Variants in GRHL1 observed in about 807,000 individuals in gnomAD.
GRHL1 encodes the protein grainyhead like transcription factor 1.
Under a neutral mutation model 75.7 loss-of-function variants are expected in GRHL1, and 38 were observed. The ratio of observed to expected loss-of-function variants is 0.50; its 90% CI spans 0.39 to 0.66. The LOEUF (loss-of-function observed/expected upper bound fraction) is 0.66, where lower values mean the gene tolerates loss of function less well. Ranked by LOEUF, GRHL1 falls within the 30% of genes least tolerant of loss-of-function variation. The pLI is 0.00. For missense variants in GRHL1, 589 were observed against 767.5 expected, an observed-to-expected ratio of 0.77 and a Z score of 2.75; for synonymous variants, 266 against 279.4, an observed-to-expected ratio of 0.95 and a Z score of 0.48.
At chr2:9,999,085 C>G in intron 15 of GRHL1, 56 bp downstream of exon 15, 1 of 848,420 alleles carries the variant, frequency 1.2e-6, no homozygotes, top group Non-Finnish European at 1.9e-6. Flanking sequence ...CCCCGCAGTG[C>G]TAGTGTGACG....
intron 2 of GRHL1, among the ~76,000 whole-genome samples, chr2:9,955,714 C>T (rs1666981891): frequency 6.6e-6 from 1 of 152,232 alleles, no homozygotes; most frequent in Non-Finnish European, 1.5e-5. Flanking sequence ...TTATGCTAGA[C>T]ATGTTACCAG....
At position 10,000,577 on chromosome 2, in the gene GRHL1, G is replaced by T. The variant is rs766000275; in HGVS notation, c.1743-16G>T. ...AGTGGCAGTGAAGTTGGTTGGTCTT[G>T]TCCCCCCCCATCCAGGATCCTGGTG... On this transcript the variant is annotated splice_polypyrimidine_tract_variant and intron_variant, in intron 15 of 15. Transcript: ENST00000324907. 3.3e-6 allele frequency: 5 copies of T among 1,530,456 alleles called. No homozygotes were observed. Among genetic ancestry groups the T allele is most frequent in the Non-Finnish European group, 3.6e-6 (4 of 1,105,034 alleles). The allele number at this position is 1,530,456 out of a possible 1,614,324, so 94.8% of individuals were successfully genotyped here.
rs1645254851 is a variant in GRHL1 at position 9,987,259 on chromosome 2, C to A, written c.1269+977C>A. 6.6e-6 allele frequency among the ~76,000 whole-genome samples: 1 copy of A among 152,208 alleles called. No homozygotes were observed. The highest frequency in any genetic ancestry group is 2.1e-4 in the South Asian group (1 of 4,836). ...AAGTGCTGGGATTACAGGTGTGAGC[C>A]ACCATGCCTGGCCTAAAATAGCTTT... On this transcript the variant is annotated intron_variant, in intron 9 of 15. Coordinates refer to ENST00000324907, the MANE Select transcript of GRHL1 (RefSeq NM_198182.3). The surrounding 1 kb of genome is among the most constrained non-coding windows in gnomAD (Gnocchi z 4.2).
rs1250490202 is a variant in GRHL1 at position 9,955,105 on chromosome 2, G to C, written c.207+4G>C. 51 of 1,603,186 alleles carry C rather than the reference G, an allele frequency of 3.2e-5. No homozygotes were observed. Among genetic ancestry groups the C allele is most frequent in the Non-Finnish European group, 4.1e-5 (48 of 1,173,106 alleles). The stretch of plus-strand genomic sequence containing the variant: ...CCTGCTCTATGACTACTACAAGGTG[G>C]GTTTGCCTGCCTTTAAAACCCTTAA... On this transcript the variant is annotated splice_donor_region_variant and intron_variant, in intron 2 of 15. Coordinates refer to ENST00000324907, the MANE Select transcript of GRHL1 (RefSeq NM_198182.3).
intron 8 of GRHL1, chr2:9,966,486 A>G (rs1667502525): frequency 6.6e-6 from 1 of 152,084 alleles, no homozygotes; most frequent in Non-Finnish European, 1.5e-5. Context: ...AGTTTTCCTT[A>G]CAATATTAGG....
chr2:9,997,160 A>T (rs1451962199), intron 14 of GRHL1, among the ~76,000 whole-genome samples: 1 of 152,142 alleles, frequency 6.6e-6, no homozygotes, highest in Non-Finnish European at 1.5e-5. Flanking sequence ...CATCTTGATA[A>T]AGGGCTTGCT....
chr2:9,984,108 G>A (rs1406459123), intron 8 of GRHL1, among the ~76,000 whole-genome samples: 1 of 151,966 alleles, frequency 6.6e-6, no homozygotes, highest in Non-Finnish European at 1.5e-5. Context: ...GTTGCTGTGA[G>A]CCGAGATTGC....
chr2:9,988,721 C>T (rs991324069), intron 9 of GRHL1, among the ~76,000 whole-genome samples: 2 of 152,108 alleles, frequency 1.3e-5, no homozygotes, highest in Non-Finnish European at 2.9e-5. Flanking sequence ...GGACTTGCCG[C>T]GGGTTCCTGT....
intron 4 of GRHL1, among the ~76,000 whole-genome samples, chr2:9,962,001 C>T (rs1010071572): frequency 4.6e-5 from 7 of 152,108 alleles, no homozygotes; most frequent in African/African-American, 1.7e-4. Context: ...TAAAGAGCAT[C>T]CATCTCTGCG....
At chr2:9,997,914 C>T (rs1668944070) in intron 14 of GRHL1, among the ~76,000 whole-genome samples, 2 of 152,008 alleles carry the variant, frequency 1.3e-5, no homozygotes, top group Admixed American at 6.5e-5. Context: ...AATTACTGGG[C>T]CAGCATAACT....
intron 8 of GRHL1, among the ~76,000 whole-genome samples, chr2:9,970,942 C>T (rs778515458): frequency 6.6e-6 from 1 of 151,988 alleles, no homozygotes; most frequent in Admixed American, 6.6e-5. Flanking sequence ...GATGGGAAAC[C>T]GGTATCTCTC....
chr2:10,001,528 A>G lies in GRHL1; in HGVS notation c.*821A>G, dbSNP rs1669267947. On this transcript the variant is annotated 3_prime_UTR_variant, in exon 16 of 16. Coordinates refer to ENST00000324907, the MANE Select transcript of GRHL1 (RefSeq NM_198182.3). ...GTTAAGTTATTTTTTGATCGTGTAT[A>G]CCAAGCAGATAGAATACTGTGCTTA... is the stretch of plus-strand genomic sequence containing the variant. The G allele has an allele frequency of 1.3e-5, 2 of 152,176 alleles. No individual in the cohort carries two copies. Among genetic ancestry groups the G allele is most frequent in the Admixed American group, 1.3e-4 (2 of 15,258 alleles). The allele number at this position is 152,176 out of a possible 1,614,324, so 9.4% of individuals were successfully genotyped here. A position where few individuals can be genotyped will look rare whatever the true frequency, so the allele number is the denominator to read the frequency against.
chr2:9,998,291 C>G (rs1347934714), intron 14 of GRHL1, among the ~76,000 whole-genome samples: 3 of 151,454 alleles, frequency 2.0e-5, no homozygotes, highest in Admixed American at 2.0e-4. Context: ...AAGACAGCCA[C>G]AGCTCCCCAG....
chr2:9,991,227 G>C (rs1668627570), intron 10 of GRHL1, among the ~76,000 whole-genome samples: 1 of 151,186 alleles, frequency 6.6e-6, no homozygotes, highest in African/African-American at 2.5e-5. Context: ...GGAAGGCTTT[G>C]TTTTCTTTTT....
At chr2:9,976,325 T>G in intron 8 of GRHL1, among the ~76,000 whole-genome samples, 1 of 152,090 alleles carries the variant, frequency 6.6e-6, no homozygotes, top group East Asian at 1.9e-4. Context: ...TGGGGGTTCC[T>G]AAAGGATAGT....
Position 10,001,404 on chromosome 2 carries a change from C to A in GRHL1, c.*697C>A, listed in dbSNP as rs113696675. On this transcript the variant is annotated 3_prime_UTR_variant, in exon 16 of 16. Coordinates refer to ENST00000324907, the MANE Select transcript of GRHL1 (RefSeq NM_198182.3). ...TTGAAGGTCTGTAAATGTGTACATA[C>A]ATGTCTTATATAAATATATAATATA... 99 of 152,670 alleles carry A rather than the reference C, an allele frequency of 6.5e-4. 1 individual carries two copies. Among genetic ancestry groups the A allele is most frequent in the African/African-American group, 2.2e-3 (93 of 41,532 alleles). 9.5% of individuals were successfully genotyped at this position (152,670 alleles called of 1,614,324 possible). A position where few individuals can be genotyped will look rare whatever the true frequency, so the allele number is the denominator to read the frequency against.
intron 9 of GRHL1, 126 bp downstream of exon 9, chr2:9,986,408 A>G (rs1668418600): frequency 2.2e-6 from 1 of 449,386 alleles, no homozygotes; most frequent in Admixed American, 4.4e-5. Context: ...TTTTAAAATT[A>G]TTTTTATTTA....
chr2:9,970,047 G>T (rs970383677), intron 8 of GRHL1, among the ~76,000 whole-genome samples: 2 of 152,046 alleles, frequency 1.3e-5, no homozygotes, highest in African/African-American at 4.8e-5. Context: ...GTTTCACCGT[G>T]TTAGCCAGGA....
At chr2:9,957,413 ATT>A (rs56139145) in intron 2 of GRHL1, among the ~76,000 whole-genome samples, 31 of 143,364 alleles carry the variant, frequency 2.2e-4, no homozygotes, top group African/African-American at 3.0e-4. Flanking sequence ...ATGAAGCAGT[ATT>A]TTTTTTTTTT....
Sources: gnomAD v4.1 joint callset for allele counts (sites outside exome capture counted in the v4.1 genomes callset) on GRCh38, gnomAD v4.1.1 for gene constraint, Gnocchi (gnomAD v3.1) non-coding constraint, MANE v1.5 for transcripts, NCBI Gene and HGNC (gene_info 2026-07-23, HGNC 2026-07-21) for gene names.